AKR1C8: variants seen among roughly 807,000 people sequenced by gnomAD.
AKR1C8 encodes aldo-keto reductase family 1 member C8.
chr10:5,116,608 A>C, the AKR1C8 span, among the ~76,000 whole-genome samples: 1 of 152,162 alleles, frequency 6.6e-6, no homozygotes, highest in Non-Finnish European at 1.5e-5. Context: ...GTCCCTGACC[A>C]CCCAGCCAAA....
the AKR1C8 span, among the ~76,000 whole-genome samples, chr10:5,175,649 C>T: frequency 6.6e-6 from 1 of 152,164 alleles, no homozygotes; most frequent in Non-Finnish European, 1.5e-5. Context: ...TGTTTCCTGA[C>T]TTTTTAATGA....
At chr10:5,132,591 A>G in the AKR1C8 span, 1 of 1,539,242 alleles carries the variant, frequency 6.5e-7, no homozygotes, top group Non-Finnish European at 8.8e-7. Flanking sequence ...TGCTTATCAT[A>G]GGCACAGTAC....
the AKR1C8 span, among the ~76,000 whole-genome samples, chr10:5,159,396 A>C: frequency 2.6e-5 from 4 of 152,290 alleles, no homozygotes; most frequent in Non-Finnish European, 5.9e-5. Flanking sequence ...CATAAAACCG[A>C]AACTTTCACT....
At chr10:5,137,799 C>G in the AKR1C8 span, among the ~76,000 whole-genome samples, 2 of 152,112 alleles carry the variant, frequency 1.3e-5, no homozygotes, top group South Asian at 4.1e-4. Context: ...GGGGTGACAT[C>G]ACATATCAGT....
At chr10:5,163,072 A>G in the AKR1C8 span, 4 of 473,682 alleles carry the variant, frequency 8.4e-6, no homozygotes, top group African/African-American at 4.0e-5. Flanking sequence ...AAGAAAATCA[A>G]TGCATTTCCC....
At chr10:5,172,652 T>C in the AKR1C8 span, among the ~76,000 whole-genome samples, 1 of 152,114 alleles carries the variant, frequency 6.6e-6, no homozygotes, top group South Asian at 2.1e-4. Flanking sequence ...AATTGCTTGA[T>C]TAATAAATGC....
At chr10:5,145,224 A>T in the AKR1C8 span, among the ~76,000 whole-genome samples, 2 of 152,160 alleles carry the variant, frequency 1.3e-5, no homozygotes, top group African/African-American at 4.8e-5. Flanking sequence ...TAAACGTTAG[A>T]CCTAAAACCA....
the AKR1C8 span, among the ~76,000 whole-genome samples, chr10:5,134,586 A>G: frequency 6.6e-6 from 1 of 152,006 alleles, no homozygotes; most frequent in Non-Finnish European, 1.5e-5. Flanking sequence ...TTTCCTTTTA[A>G]TTTTCCTAGA....
At chr10:5,128,963 G>A in the AKR1C8 span, among the ~76,000 whole-genome samples, 9 of 151,970 alleles carry the variant, frequency 5.9e-5, no homozygotes, top group South Asian at 2.1e-4. Flanking sequence ...CATTCTACCC[G>A]CCAACTGCGG....
At chr10:5,122,090 T>A in the AKR1C8 span, 17 of 312,980 alleles carry the variant, frequency 5.4e-5, no homozygotes, top group Non-Finnish European at 9.9e-5. Flanking sequence ...CTTAAAATTG[T>A]AACTTAGCAT....
the AKR1C8 span, among the ~76,000 whole-genome samples, chr10:5,171,912 C>A: frequency 6.6e-6 from 1 of 152,062 alleles, no homozygotes; most frequent in Non-Finnish European, 1.5e-5. Context: ...GTATATTTTA[C>A]TTTTCTTACA....
At chr10:5,132,260 A>C in the AKR1C8 span, among the ~76,000 whole-genome samples, 1 of 152,170 alleles carries the variant, frequency 6.6e-6, no homozygotes, top group Admixed American at 6.6e-5. Flanking sequence ...GGCTCGCTTA[A>C]ATCTCAGAAT....
At chr10:5,118,131 T>G in the AKR1C8 span, among the ~76,000 whole-genome samples, 1 of 152,214 alleles carries the variant, frequency 6.6e-6, no homozygotes. Context: ...CTGCCAGTTA[T>G]GAGCCTATGA....
chr10:5,146,085 A>G, the AKR1C8 span, among the ~76,000 whole-genome samples: 1 of 151,718 alleles, frequency 6.6e-6, no homozygotes, highest in Non-Finnish European at 1.5e-5. Context: ...ATTCTCAGTA[A>G]ACTATTGCAA....
chr10:5,182,988 A>T, the AKR1C8 span, among the ~76,000 whole-genome samples: 140 of 152,270 alleles, frequency 9.2e-4, no homozygotes, highest in African/African-American at 3.1e-3. Flanking sequence ...TTTTACAAAC[A>T]ACTCAGTACT....
the AKR1C8 span, among the ~76,000 whole-genome samples, chr10:5,181,235 TTAAA>T: frequency 8.4e-4 from 128 of 152,360 alleles, 2 homozygotes; most frequent in South Asian, 4.8e-3. Flanking sequence ...TTGGTTAAGA[TTAAA>T]TAGAATTATC....
At chr10:5,158,580 C>T in the AKR1C8 span, 104 of 459,794 alleles carry the variant, frequency 2.3e-4, 2 homozygotes, top group South Asian at 1.5e-3. Flanking sequence ...CATAGGTTAA[C>T]TCTTTGACAT....
the AKR1C8 span, among the ~76,000 whole-genome samples, chr10:5,140,732 C>A: frequency 7.2e-6 from 1 of 138,286 alleles, no homozygotes; most frequent in Non-Finnish European, 1.5e-5. Flanking sequence ...ACCAACATGG[C>A]ACATGTACAT....
chr10:5,119,824 T>C, the AKR1C8 span, among the ~76,000 whole-genome samples: 3 of 152,320 alleles, frequency 2.0e-5, no homozygotes, highest in African/African-American at 7.2e-5. Context: ...AAAAAGAATA[T>C]TAATTTATAA....
Sources: gnomAD v4.1 joint callset for allele counts (sites outside exome capture counted in the v4.1 genomes callset) on GRCh38, gnomAD v4.1.1 for gene constraint, MANE v1.5 for transcripts, NCBI Gene and HGNC (gene_info 2026-07-23, HGNC 2026-07-21) for gene names.